Variants in RBM47 observed in about 807,000 individuals in gnomAD.
RBM47 encodes RNA-binding protein 47.
Under a neutral mutation model 47.1 loss-of-function variants are expected in RBM47, and 21 were observed. That is an observed-to-expected ratio of 0.45 (90% confidence interval 0.32 to 0.64). The LOEUF is 0.64. Among genes scored for constraint, RBM47 ranks in the 30% least tolerant of loss-of-function variants. The pLI, the probability that RBM47 is intolerant of heterozygous loss-of-function variation, is 0.05. For synonymous variants in RBM47, 375 were observed against 361.7 expected (o/e 1.04, Z -0.42); for missense variants, 708 against 870.9 (o/e 0.81, Z 2.35).
At chr4:40,575,326 C>T (rs1185831368) in intron 1 of RBM47, among the ~76,000 whole-genome samples, 2 of 151,994 alleles carry the variant, frequency 1.3e-5, no homozygotes, top group East Asian at 1.9e-4. Context: ...CTGATTCAGG[C>T]GGATCACCTG....
intron 1 of RBM47, among the ~76,000 whole-genome samples, chr4:40,602,635 AG>A (rs1190635983): frequency 3.4e-5 from 5 of 147,546 alleles, no homozygotes; most frequent in African/African-American, 1.0e-4. Context: ...CGACAGAGTG[AG>A]AATCCGTTTA....
At position 40,624,185 on chromosome 4, in the gene RBM47, T is replaced by C. The variant is rs1737522346; in HGVS notation, c.-240+5211A>G. Among the ~76,000 whole-genome samples, 4 of 152,164 alleles carry C rather than the reference T, an allele frequency of 2.6e-5. No homozygotes were observed. The South Asian group carries it at 8.3e-4, about 31-fold the overall frequency. On this transcript the variant is annotated intron_variant, in intron 1 of 6. Transcript: ENST00000295971. ...TTATTTAATCCTTATAATAACCCTG[T>C]GAGGTAGGCATTTTACAGTTGGGGA...
At chr4:40,489,475 G>C (rs1721566409) in intron 2 of RBM47, among the ~76,000 whole-genome samples, 1 of 151,922 alleles carries the variant, frequency 6.6e-6, no homozygotes, top group South Asian at 2.1e-4. Flanking sequence ...CTAAACTCAG[G>C]GATAAGAGAA....
chr4:40,590,457 A>G (rs1734028602), intron 1 of RBM47, among the ~76,000 whole-genome samples: 1 of 152,112 alleles, frequency 6.6e-6, no homozygotes, highest in Non-Finnish European at 1.5e-5. Context: ...AGAGCAAGCA[A>G]ACATCTTGGG....
intron 1 of RBM47, among the ~76,000 whole-genome samples, chr4:40,581,139 A>G (rs1488751198): frequency 6.6e-6 from 1 of 152,008 alleles, no homozygotes; most frequent in African/African-American, 2.4e-5. Context: ...GAAAAGGAGA[A>G]AGCCGGGCAC....
At chr4:40,553,508 G>C (rs952328439) in intron 1 of RBM47, among the ~76,000 whole-genome samples, 4 of 152,104 alleles carry the variant, frequency 2.6e-5, no homozygotes, top group Non-Finnish European at 5.9e-5. Context: ...ATGTTGCCAG[G>C]CAGGTCTTGA....
intron 2 of RBM47, among the ~76,000 whole-genome samples, chr4:40,535,947 C>T (rs562030522): frequency 2.2e-4 from 34 of 152,208 alleles, no homozygotes; most frequent in African/African-American, 7.7e-4. Flanking sequence ...GTGATCCACC[C>T]GCCTTGGCCT....
chr4:40,455,845 A>C (rs748308894), intron 3 of RBM47, among the ~76,000 whole-genome samples: 2 of 152,212 alleles, frequency 1.3e-5, no homozygotes, highest in African/African-American at 2.4e-5. Context: ...GTCAAGAATA[A>C]ATGTTTTTCA....
chr4:40,453,693 G>C (rs1292071040), intron 3 of RBM47, among the ~76,000 whole-genome samples: 1 of 152,164 alleles, frequency 6.6e-6, no homozygotes, highest in Non-Finnish European at 1.5e-5. Context: ...TAGTATTTCT[G>C]GAGAAGTGGC....
At chr4:40,434,000 GGGGTGT>G (rs1159654382) in intron 5 of RBM47, among the ~76,000 whole-genome samples, 3 of 60,294 alleles carry the variant, frequency 5.0e-5, no homozygotes, top group African/African-American at 1.6e-4. Context: ...GTGTGGGGCG[GGGGTGT>G]GTGTGTGTGT....
Position 40,505,354 on chromosome 4 carries a change from T to C in RBM47, c.-154-38655A>G, listed in dbSNP as rs1723949965. 3.3e-5 allele frequency among the ~76,000 whole-genome samples: 5 copies of C among 151,778 alleles called. No homozygotes were observed. In the South Asian group the frequency reaches 1.0e-3, roughly 32 times the overall value. On this transcript the variant is annotated intron_variant, in intron 2 of 6. Coordinates refer to ENST00000295971, the MANE Select transcript of RBM47 (RefSeq NM_001098634.2). ...TAAAAACACACAAATTAGCCAGGCA[T>C]GGTGGTATGTGCCTGTGTTCCCAGC...
intron 2 of RBM47, among the ~76,000 whole-genome samples, chr4:40,513,904 A>T (rs1300204040): frequency 1.3e-5 from 2 of 152,002 alleles, no homozygotes; most frequent in African/African-American, 4.8e-5. Context: ...TTTTTGGTAG[A>T]GATGGGGTTT....
chr4:40,542,989 T>G (rs1728695038), intron 2 of RBM47: 1 of 152,220 alleles, frequency 6.6e-6, no homozygotes, highest in Non-Finnish European at 1.5e-5. Context: ...TTAATTATGC[T>G]ACATCTAGCA....
At chr4:40,542,708 T>C (rs1230636629) in intron 2 of RBM47, 1 of 152,050 alleles carries the variant, frequency 6.6e-6, no homozygotes, top group East Asian at 1.9e-4. Context: ...GATGACAATT[T>C]TTAAATTTTT....
intron 2 of RBM47, among the ~76,000 whole-genome samples, chr4:40,533,438 G>GA (rs1299731307): frequency 0.03 from 1,845 of 62,070 alleles, 11 homozygotes; most frequent in African/African-American, 0.044. Context: ...TGTCTCAAAA[G>GA]AAAAAAAAAA....
chr4:40,602,760 T>G (rs1338507374), intron 1 of RBM47, among the ~76,000 whole-genome samples: 2 of 152,206 alleles, frequency 1.3e-5, no homozygotes, highest in African/African-American at 4.8e-5. Flanking sequence ...GTTTATTTTT[T>G]TATTAAGTCA....
intron 1 of RBM47, among the ~76,000 whole-genome samples, chr4:40,560,914 G>A (rs1364919838): frequency 6.6e-6 from 1 of 151,280 alleles, no homozygotes; most frequent in Non-Finnish European, 1.5e-5. Context: ...GCAGTGAGCC[G>A]AGAACGCGCC....
intron 1 of RBM47, among the ~76,000 whole-genome samples, chr4:40,549,583 CAT>C (rs1729360617): frequency 6.9e-6 from 1 of 144,916 alleles, no homozygotes; most frequent in African/African-American, 2.6e-5. Context: ...AGTACAGTGG[CAT>C]GATCTCGGCT....
chr4:40,496,347 C>T (rs1002803434), intron 2 of RBM47, among the ~76,000 whole-genome samples: 2 of 151,922 alleles, frequency 1.3e-5, no homozygotes, highest in Admixed American at 6.6e-5. Context: ...CACACACACA[C>T]ACACACACAC....
Sources: gnomAD v4.1 joint callset for allele counts (sites outside exome capture counted in the v4.1 genomes callset) on GRCh38, gnomAD v4.1.1 for gene constraint, MANE v1.5 for transcripts, NCBI Gene and HGNC (gene_info 2026-07-23, HGNC 2026-07-21) for gene names.